Variants in USP32 observed in about 807,000 individuals in gnomAD.
USP32 encodes the protein ubiquitin specific peptidase 32, also known as ubiquitin carboxyl-terminal hydrolase 32.
In USP32, 59 loss-of-function variants were observed where a neutral mutation model predicts 204.8. The ratio of observed to expected loss-of-function variants is 0.29; its 90% CI spans 0.23 to 0.36. USP32 has a LOEUF of 0.36. USP32 is among the 10% of genes least tolerant of loss of function. USP32 has a pLI of 1.00. For missense variants in USP32, 1,160 were observed against 1,946.4 expected (o/e 0.60, Z 7.60); for synonymous variants, 517 against 678.4 (o/e 0.76, Z 3.70).
In USP32 at chr17:60,181,651, C is replaced by T. The variant is rs2084115661; in HGVS notation, c.4221G>A (p.Gly1407=). 6.2e-7 allele frequency: 1 copy of T among 1,613,634 alleles called. No homozygotes were observed. The highest frequency in any genetic ancestry group is 1.3e-5 in the African/African-American group (1 of 74,926). The change falls in exon 32 of 34, where the codon GGG becomes GGA. Residue 1407 remains glycine, a synonymous_variant. Coordinates refer to ENST00000300896, the MANE Select transcript of USP32 (RefSeq NM_032582.4). ...SSPRTLGRSK[G]RLRLPQIGSK... Reference sequence around the variant, plus strand: ...TGCCAATCTGGGGCAGCCGGAGCCTCCCTTTGCTCCTCCCCAAAGTCCGTG... The same window carrying T: ...TGCCAATCTGGGGCAGCCGGAGCCTTCCTTTGCTCCTCCCCAAAGTCCGTG...
At chr17:60,324,421 A>G (rs1009677453) in intron 2 of USP32, among the ~76,000 whole-genome samples, 42 of 152,076 alleles carry the variant, frequency 2.8e-4, no homozygotes, top group African/African-American at 9.9e-4. Context: ...CACATGAGGC[A>G]GGAGAAGAAA....
rs116799656 is a variant in USP32 at position 60,263,101 on chromosome 17, A to G, written c.990+2311T>C. Reference sequence around the variant, plus strand: ...GTAGCTGGAACTATAGACATGTGCTACTGTGCCTGGCTACGTTTTTTCTTT... The same window carrying G: ...GTAGCTGGAACTATAGACATGTGCTGCTGTGCCTGGCTACGTTTTTTCTTT... On this transcript the variant is annotated intron_variant, in intron 9 of 33. Coordinates refer to ENST00000300896, the MANE Select transcript of USP32 (RefSeq NM_032582.4). Among the ~76,000 whole-genome samples, 358 of 152,164 alleles carry G rather than the reference A, an allele frequency of 2.4e-3. 2 individuals are homozygous for G. The highest frequency in any genetic ancestry group is 7.5e-3 in the African/African-American group (312 of 41,502).
At chr17:60,386,984 A>G (rs2089743442) in intron 1 of USP32, among the ~76,000 whole-genome samples, 1 of 152,230 alleles carries the variant, frequency 6.6e-6, no homozygotes, top group South Asian at 2.1e-4. Context: ...AAGATCTGGT[A>G]TACTTTTAAA....
chr17:60,382,314 C>T (rs2089659025), intron 1 of USP32, among the ~76,000 whole-genome samples: 1 of 152,176 alleles, frequency 6.6e-6, no homozygotes, highest in Non-Finnish European at 1.5e-5. Flanking sequence ...ACCAGCAACA[C>T]AGTGAGGCTT....
At chr17:60,342,476 C>T (rs1431633887) in intron 2 of USP32, among the ~76,000 whole-genome samples, 6 of 152,202 alleles carry the variant, frequency 3.9e-5, no homozygotes, top group Non-Finnish European at 5.9e-5. Context: ...CAGACAGGGA[C>T]GTTTAAGTCT....
intron 16 of USP32, among the ~76,000 whole-genome samples, chr17:60,219,273 G>C (rs1378601368): frequency 6.6e-6 from 1 of 152,162 alleles, no homozygotes; most frequent in African/African-American, 2.4e-5. Context: ...GAGTTGAAAA[G>C]ACCAGTCAAT....
At chr17:60,244,916 GCCATGGCAC>G (rs1454281856) in intron 11 of USP32, among the ~76,000 whole-genome samples, 1 of 152,252 alleles carries the variant, frequency 6.6e-6, no homozygotes, top group Non-Finnish European at 1.5e-5. Flanking sequence ...ACAGGCGTGA[GCCATGGCAC>G]CCAGCCAACA....
upstream of USP32, chr17:60,392,231 T>TTCCGCCCCCTCCCGCCAGC: frequency 2.9e-6 from 1 of 340,160 alleles, no homozygotes; most frequent in South Asian, 2.8e-5. Flanking sequence ...CTCTTGCCAC[T>TTCCGCCCCCTCCCGCCAGC]TCCGCCCCCT....
upstream of USP32, among the ~76,000 whole-genome samples, chr17:60,397,079 C>T: frequency 6.6e-6 from 1 of 152,180 alleles, no homozygotes; most frequent in Admixed American, 6.5e-5. Context: ...AGGCCAGTCT[C>T]TTTCAGCAAA....
intron 1 of USP32, among the ~76,000 whole-genome samples, chr17:60,380,788 G>A (rs1305770437): frequency 2.0e-5 from 3 of 152,128 alleles, no homozygotes; most frequent in African/African-American, 4.8e-5. Flanking sequence ...TGAGAGAAAT[G>A]TCTCAGAACC....
intron 1 of USP32, among the ~76,000 whole-genome samples, chr17:60,366,142 TAA>T (rs1365811353): frequency 6.6e-6 from 1 of 151,882 alleles, no homozygotes; most frequent in Non-Finnish European, 1.5e-5. Flanking sequence ...CACGCCGGGC[TAA>T]GTTTTTTTTC....
chr17:60,377,253 A>G (rs540719206), intron 1 of USP32, among the ~76,000 whole-genome samples: 16 of 152,218 alleles, frequency 1.1e-4, no homozygotes, highest in Non-Finnish European at 1.5e-4. Context: ...TGAGGCCAAG[A>G]GTTTGAGACC....
Position 60,349,620 on chromosome 17 carries a change from TATATTA to T in USP32, c.59-4018_59-4013del, listed in dbSNP as rs1287232234. Among the ~76,000 whole-genome samples the T allele has an allele frequency of 6.6e-3, 474 of 72,156 alleles. 3 individuals are homozygous for T. Among genetic ancestry groups the T allele is most frequent in the African/African-American group, 9.1e-3 (78 of 8,618 alleles). The allele number at this position is 72,156 out of a possible 152,430, so 47.3% of individuals were successfully genotyped here. On this transcript the variant is annotated intron_variant, in intron 1 of 33. Transcript: ENST00000300896. ...AAATATATATATATATATATATATATATATTATATATATATATATATATTATATATA... is the reference window on the plus strand; with the variant it reads ...AAATATATATATATATATATATATATTATATATATATATATATTATATATA...
intron 1 of USP32, among the ~76,000 whole-genome samples, chr17:60,371,006 T>C (rs925102070): frequency 5.3e-5 from 8 of 151,656 alleles, no homozygotes; most frequent in South Asian, 2.1e-4. Context: ...GGCTGGAAGA[T>C]TGCTTGAGAC....
chr17:60,288,365 A>G (rs546582443), intron 5 of USP32, among the ~76,000 whole-genome samples, 158 bp downstream of exon 5: 82 of 152,192 alleles, frequency 5.4e-4, no homozygotes, highest in Non-Finnish European at 1.0e-3. Context: ...GCTTGAGCCC[A>G]GGAAGTTGAG....
At chr17:60,337,648 G>A (rs2088553800) in intron 2 of USP32, among the ~76,000 whole-genome samples, 1 of 152,120 alleles carries the variant, frequency 6.6e-6, no homozygotes, top group Non-Finnish European at 1.5e-5. Context: ...AGGCTGATGA[G>A]GGAGGACTGC....
intron 12 of USP32, 81 bp downstream of exon 12, chr17:60,236,057 C>T: frequency 1.8e-6 from 2 of 1,100,704 alleles, no homozygotes; most frequent in South Asian, 2.6e-5. Context: ...GGCTGGTAGT[C>T]ATAGCATTTT....
rs371310250 is a variant in USP32, at chr17:60,385,426, G to A, written c.58+6456C>T. Among the ~76,000 whole-genome samples, 13 of 152,276 alleles carry A rather than the reference G, an allele frequency of 8.5e-5. No homozygotes were observed. The East Asian group carries it at 1.5e-3, about 18-fold the overall frequency. ...GACAGTGTGGTGGCACACGCCTGTA[G>A]TCCCAGCTACTTTGGAGTCTGAGGC... On this transcript the variant is annotated intron_variant, in intron 1 of 33. Transcript: ENST00000300896.
intron 16 of USP32, among the ~76,000 whole-genome samples, chr17:60,218,751 A>G (rs970724617): frequency 6.6e-6 from 1 of 152,144 alleles, no homozygotes; most frequent in Admixed American, 6.5e-5. Flanking sequence ...TTACAGCACC[A>G]CCACGCCCAG....
Sources: allele counts gnomAD v4.1 joint callset (sites outside exome capture counted in the v4.1 genomes callset), GRCh38; gene constraint gnomAD v4.1.1; transcripts MANE v1.5; gene names NCBI Gene and HGNC (gene_info 2026-07-23, HGNC 2026-07-21).